The following PRELID2 variants were observed in gnomAD, a reference collection of about 807,000 sequenced individuals.
PRELID2 encodes PRELI domain-containing protein 2.
A neutral mutation model predicts 28.4 loss-of-function variants in PRELID2; 25 were observed. The ratio of observed to expected loss-of-function variants is 0.88; its 90% CI spans 0.64 to 1.23. PRELID2 has a LOEUF of 1.23. Among genes scored for constraint, PRELID2 ranks in the 50% most tolerant of loss-of-function variants. PRELID2 has a pLI of 0.00. For synonymous variants in PRELID2, 76 were observed against 71.6 expected, an observed-to-expected ratio of 1.06 and a Z score of -0.31; for missense variants, 201 against 214.4, an observed-to-expected ratio of 0.94 and a Z score of 0.39.
the PRELID2 span, among the ~76,000 whole-genome samples, chr5:145,410,870 A>G: frequency 0.22 from 32,971 of 151,972 alleles, 3,822 homozygotes; most frequent in South Asian, 0.33. Context: ...CTTTAACCCA[A>G]AAGCCCAAAT....
chr5:145,355,574 T>C, the PRELID2 span, among the ~76,000 whole-genome samples: 2 of 152,130 alleles, frequency 1.3e-5, no homozygotes, highest in South Asian at 2.1e-4. Context: ...CAGCAAACCA[T>C]GCATATACCC....
chr5:145,360,992 CACTT>C, the PRELID2 span, among the ~76,000 whole-genome samples: 16 of 152,172 alleles, frequency 1.1e-4, no homozygotes, highest in Non-Finnish European at 1.6e-4. Flanking sequence ...TCAGTCCTCT[CACTT>C]ACCCACCTAC....
At chr5:145,261,197 C>T in the PRELID2 span, among the ~76,000 whole-genome samples, 26 of 152,166 alleles carry the variant, frequency 1.7e-4, no homozygotes, top group Non-Finnish European at 3.2e-4. Context: ...TCAGACACAC[C>T]TAATCCTGCC....
chr5:145,430,148 T>A, the PRELID2 span, among the ~76,000 whole-genome samples: 1 of 152,186 alleles, frequency 6.6e-6, no homozygotes, highest in Non-Finnish European at 1.5e-5. Flanking sequence ...AATTTTTGTC[T>A]TCCCAACTCT....
the PRELID2 span, among the ~76,000 whole-genome samples, chr5:145,378,485 T>C: frequency 1.3e-5 from 2 of 152,184 alleles, no homozygotes; most frequent in Non-Finnish European, 2.9e-5. Flanking sequence ...GTTCATTTCT[T>C]GTCATTCTTT....
intron 1 of PRELID2, among the ~76,000 whole-genome samples, chr5:145,713,974 T>C (rs1401838310): frequency 6.6e-6 from 1 of 151,722 alleles, no homozygotes; most frequent in Non-Finnish European, 1.5e-5. Flanking sequence ...AAGCACATTT[T>C]CACATAAACA....
intron 1 of PRELID2, among the ~76,000 whole-genome samples, chr5:145,529,989 C>T (rs985993809): frequency 1.3e-5 from 2 of 152,164 alleles, no homozygotes; most frequent in Non-Finnish European, 2.9e-5. Context: ...CAATGATCTG[C>T]TTTACTGAAA....
the PRELID2 span, among the ~76,000 whole-genome samples, chr5:145,338,799 G>A: frequency 0.016 from 2,368 of 152,254 alleles, 67 homozygotes; most frequent in African/African-American, 0.055. Flanking sequence ...CCATGGTTAT[G>A]GGATTTTAAC....
chr5:145,792,503 T>C (rs1752459350), intron 5 of PRELID2, among the ~76,000 whole-genome samples: 2 of 152,198 alleles, frequency 1.3e-5, no homozygotes, highest in South Asian at 2.1e-4. Context: ...TCAGCAGATG[T>C]TCATTCATTG....
At chr5:145,741,410 T>C (rs1329050284) in intron 1 of PRELID2, among the ~76,000 whole-genome samples, 1 of 101,172 alleles carries the variant, frequency 9.9e-6, no homozygotes, top group Non-Finnish European at 1.8e-5. Flanking sequence ...AAACAAAATT[T>C]ATTTATAATT....
intron 1 of PRELID2, among the ~76,000 whole-genome samples, chr5:145,723,111 A>C (rs1756037299): frequency 6.6e-6 from 1 of 152,222 alleles, no homozygotes; most frequent in Non-Finnish European, 1.5e-5. Flanking sequence ...AGACCAATAT[A>C]GCTTATAAAT....
At chr5:145,472,245 G>A (rs1188036443) in intron 2 of PRELID2, 1 of 152,146 alleles carries the variant, frequency 6.6e-6, no homozygotes, top group Admixed American at 6.6e-5. Flanking sequence ...TAAGAAAGAA[G>A]AGGTTATGCT....
At chr5:145,633,344 A>C (rs1293834070) in intron 1 of PRELID2, among the ~76,000 whole-genome samples, 1 of 152,214 alleles carries the variant, frequency 6.6e-6, no homozygotes, top group Non-Finnish European at 1.5e-5. Flanking sequence ...GTTACTCACC[A>C]GCTAGAGACT....
chr5:145,818,218 T>C (rs561738123), intron 3 of PRELID2, among the ~76,000 whole-genome samples, 164 bp from the exon 4 acceptor site: 20 of 152,304 alleles, frequency 1.3e-4, no homozygotes, highest in Admixed American at 5.2e-4. Context: ...TCAAACATAC[T>C]ATGACCTTAC....
chr5:145,577,599 A>G (rs1446298630), intron 1 of PRELID2, among the ~76,000 whole-genome samples: 1 of 152,142 alleles, frequency 6.6e-6, no homozygotes, highest in Non-Finnish European at 1.5e-5. Context: ...ATCTTACAGG[A>G]TTTATAGGAC....
chr5:145,397,201 T>C, the PRELID2 span, among the ~76,000 whole-genome samples: 1 of 152,070 alleles, frequency 6.6e-6, no homozygotes, highest in African/African-American at 2.4e-5. Context: ...CTAAGATCTA[T>C]AAAGCATCCA....
At chr5:145,325,238 C>G in the PRELID2 span, among the ~76,000 whole-genome samples, 1 of 152,148 alleles carries the variant, frequency 6.6e-6, no homozygotes, top group African/African-American at 2.4e-5. Context: ...TCTTGATTGG[C>G]TGAAAGCCCA....
In PRELID2 at chr5:145,574,338, T is replaced by C. The variant is rs1031448410; in HGVS notation, n.71-101023A>G. 3.3e-5 allele frequency among the ~76,000 whole-genome samples: 5 copies of C among 152,228 alleles called. No homozygotes were observed. The South Asian group carries it at 6.2e-4, about 19-fold the overall frequency. ...TGATTTTAGTTCAGCGAGATCCATG[T>C]GAGACTTCTGACCTCCATAATCGTA... On this transcript the variant is annotated intron_variant and non_coding_transcript_variant, in intron 1 of 2. Coordinates refer to the PRELID2 transcript ENST00000510259.
chr5:145,426,015 C>A, the PRELID2 span, among the ~76,000 whole-genome samples: 26 of 152,260 alleles, frequency 1.7e-4, no homozygotes, highest in East Asian at 4.8e-3. Context: ...GTCTCACTTA[C>A]TCCTCCTCCC....
Sources: gnomAD v4.1 joint callset for allele counts (sites outside exome capture counted in the v4.1 genomes callset) on GRCh38, gnomAD v4.1.1 for gene constraint, MANE v1.5 for transcripts, NCBI Gene and HGNC (gene_info 2026-07-23, HGNC 2026-07-21) for gene names.